ARHGAP5: variants seen among roughly 807,000 people sequenced by gnomAD.
The protein encoded by ARHGAP5 is rho GTPase-activating protein 5.
Under a neutral mutation model 116.6 loss-of-function variants are expected in ARHGAP5, and 23 were observed. The observed-to-expected ratio is 0.20, with a 90% CI of 0.14 to 0.28. The LOEUF (loss-of-function observed/expected upper bound fraction) is 0.28. Among genes scored for constraint, ARHGAP5 ranks in the 10% least tolerant of loss-of-function variants. ARHGAP5 has a pLI of 1.00. For missense variants in ARHGAP5, 1,405 were observed against 1,774.8 expected (o/e 0.79, Z 3.74); for synonymous variants, 574 against 602.0 (o/e 0.95, Z 0.68).
chr14:32,154,599 T>A (rs1346184972), intron 6 of ARHGAP5, 22 bp from the exon 7 acceptor site: 1 of 1,528,342 alleles, frequency 6.5e-7, no homozygotes, highest in Non-Finnish European at 8.9e-7. Context: ...TTTCTAAATG[T>A]TTTTTCCTTT....
chr14:32,133,168 A>C (rs1266279719), intron 3 of ARHGAP5, among the ~76,000 whole-genome samples: 1 of 152,136 alleles, frequency 6.6e-6, no homozygotes, highest in Admixed American at 6.5e-5. Context: ...TCTATAAATT[A>C]CCTTGGGCAA....
At chr14:32,145,037 G>A (rs181412162) in intron 3 of ARHGAP5, among the ~76,000 whole-genome samples, 12 of 152,234 alleles carry the variant, frequency 7.9e-5, no homozygotes, top group Non-Finnish European at 1.2e-4. Flanking sequence ...TTTGGATATC[G>A]TATTCAGAGA....
intron 1 of ARHGAP5, among the ~76,000 whole-genome samples, chr14:32,086,207 C>T (rs1025052037): frequency 6.6e-6 from 1 of 152,134 alleles, no homozygotes; most frequent in Admixed American, 6.6e-5. Flanking sequence ...ATGTTGTCTT[C>T]CTCCAGTGTG....
In ARHGAP5 at chr14:32,092,975, C is replaced by T. The variant is rs1275599319; in HGVS notation, c.2306C>T (p.Ala769Val). 1.9e-6 allele frequency: 3 copies of T among 1,613,882 alleles called. No homozygotes were observed. The highest frequency in any genetic ancestry group is 2.7e-5 in the African/African-American group (2 of 74,870). Residue 769 changes from alanine (A) to valine (V), a missense_variant, in exon 2 of 7, where the codon GCC (alanine) becomes GTC (valine). Ala to Val is a moderately conservative substitution (Grantham distance 64). Coordinates refer to ENST00000345122, the MANE Select transcript of ARHGAP5 (RefSeq NM_001030055.2). This position sits in a 1 kb window ranked among gnomAD's most constrained non-coding sequence, Gnocchi z 4.1. ...TTGGATGTGGTGAGCCCAATTCCTG[C>T]CAATAAGGACTTATCAGAAGCTGAC... ...HNLDVVSPIP[A>V]NKDLSEADLR... is the part of the protein sequence containing the mutation.
At chr14:32,112,297 T>G (rs565861495) in intron 2 of ARHGAP5, among the ~76,000 whole-genome samples, 1 of 152,322 alleles carries the variant, frequency 6.6e-6, no homozygotes, top group South Asian at 2.1e-4. Flanking sequence ...TACTGTAGTA[T>G]TTATTTGAAG....
chr14:32,133,301 C>T (rs1594382631), intron 3 of ARHGAP5, among the ~76,000 whole-genome samples: 2 of 152,192 alleles, frequency 1.3e-5, no homozygotes, highest in South Asian at 2.1e-4. Context: ...AGGTCCTTCA[C>T]ATCCCTTGTA....
chr14:32,129,777 C>T (rs1237214249), intron 3 of ARHGAP5, among the ~76,000 whole-genome samples: 3 of 152,012 alleles, frequency 2.0e-5, no homozygotes, highest in South Asian at 2.1e-4. Context: ...CATACTTCCT[C>T]GAAATTTCCA....
At chr14:32,081,676 C>T (rs549032300) in intron 1 of ARHGAP5, among the ~76,000 whole-genome samples, 3 of 151,408 alleles carry the variant, frequency 2.0e-5, no homozygotes, top group East Asian at 1.9e-4. Context: ...AAACACGTAA[C>T]GTTGGCATAA....
chr14:32,140,097 C>CTTTTTTTTTT (rs1182430088), intron 3 of ARHGAP5, among the ~76,000 whole-genome samples: 1 of 25,386 alleles, frequency 3.9e-5, no homozygotes, highest in Non-Finnish European at 7.3e-5. Flanking sequence ...GTTATTTGTT[C>CTTTTTTTTTT]TTTTTTTTTT....
At position 32,153,628 on chromosome 14, in the gene ARHGAP5, A is replaced by G. The variant is rs144668068; in HGVS notation, c.4182-993A>G. ...GCTGGGATTACAGATGTACACCACC[A>G]CACCCAGCTAAATTTAGTATTTTTA... On this transcript the variant is annotated intron_variant, in intron 6 of 6. Coordinates refer to ENST00000345122, the MANE Select transcript of ARHGAP5 (RefSeq NM_001030055.2). Among the ~76,000 whole-genome samples the G allele has an allele frequency of 2.7e-3, 412 of 150,780 alleles. 4 individuals are homozygous for G. Among genetic ancestry groups the G allele is most frequent in the African/African-American group, 9.5e-3 (391 of 41,204 alleles).
At chr14:32,138,889 T>C (rs945096751) in intron 3 of ARHGAP5, among the ~76,000 whole-genome samples, 11 of 152,162 alleles carry the variant, frequency 7.2e-5, no homozygotes, top group Admixed American at 6.5e-4. Flanking sequence ...TATTCCTAGC[T>C]TAAGTGACTT....
intron 3 of ARHGAP5, among the ~76,000 whole-genome samples, chr14:32,139,354 T>C (rs1444743857): frequency 6.6e-6 from 1 of 152,134 alleles, no homozygotes; most frequent in Admixed American, 6.5e-5. Context: ...CTTTTTTGTT[T>C]TTGTGAGCTT....
intron 3 of ARHGAP5, among the ~76,000 whole-genome samples, chr14:32,143,066 A>T (rs914331142): frequency 6.6e-6 from 1 of 152,100 alleles, no homozygotes; most frequent in Non-Finnish European, 1.5e-5. Context: ...CTGGTTTTTT[A>T]TCTGTTAGCA....
In ARHGAP5 at chr14:32,093,132, C is replaced by T; in HGVS notation, c.2463C>T (p.Ile821=). Residue 821 remains isoleucine (I), a synonymous_variant, in exon 2 of 7, where the codon ATC becomes ATT. Transcript: ENST00000345122. ...ATAATTCCCTAATGCTTGATAAAAT[C>T]ATTGGTGAAAAAAGGAGGCGAATAC... ...GQNNSLMLDK[I]IGEKRRRIQI... 6.2e-7 allele frequency: 1 copy of T among 1,613,682 alleles called. No individual in the cohort carries two copies.
chr14:32,082,775 AG>A (rs1490930316), intron 1 of ARHGAP5, among the ~76,000 whole-genome samples: 2 of 152,190 alleles, frequency 1.3e-5, no homozygotes, highest in African/African-American at 4.8e-5. Context: ...CCTGACCTCA[AG>A]TGATCTGCTG....
chr14:32,106,719 C>T lies in ARHGAP5; in HGVS notation c.3718-10421C>T, dbSNP rs1445254030. ...CCTTTTAACCTTATTCATTCCCACA[C>T]GTACTCTTAAGCTCCAGGTACATCA... On this transcript the variant is annotated intron_variant, in intron 2 of 6. Coordinates refer to ENST00000345122, the MANE Select transcript of ARHGAP5 (RefSeq NM_001030055.2). 3.9e-5 allele frequency among the ~76,000 whole-genome samples: 6 copies of T among 152,146 alleles called. No individual in the cohort carries two copies. The South Asian group carries it at 1.0e-3, about 26-fold the overall frequency.
chr14:32,156,530 C>G lies in ARHGAP5; in HGVS notation c.*1582C>G, dbSNP rs1463778064. The G allele has an allele frequency of 2.6e-5, 4 of 152,144 alleles. No individual in the cohort carries two copies. Among genetic ancestry groups the G allele is most frequent in the Non-Finnish European group, 4.4e-5 (3 of 67,770 alleles). The allele number at this position is 152,144 out of a possible 1,614,324, so 9.4% of individuals were successfully genotyped here. The stretch of plus-strand genomic sequence containing the variant: ...GAAGTACATGTATATTATAAATTAT[C>G]TTATTTGTGTTATACTCTTACATGT... On this transcript the variant is annotated 3_prime_UTR_variant, in exon 7 of 7. Transcript: ENST00000345122.
intron 1 of ARHGAP5, among the ~76,000 whole-genome samples, chr14:32,089,486 C>A (rs1245430465): frequency 1.3e-5 from 2 of 151,832 alleles, no homozygotes; most frequent in African/African-American, 4.8e-5. Flanking sequence ...TGTGAAAAAT[C>A]TCTAAAAACT....
In ARHGAP5 at chr14:32,158,119, A is replaced by AT. The variant is rs1881977926; in HGVS notation, c.*3173dup. 2 of 151,830 alleles carry AT rather than the reference A, an allele frequency of 1.3e-5. No individual in the cohort carries two copies. Among genetic ancestry groups the AT allele is most frequent in the Admixed American group, 6.6e-5 (1 of 15,238 alleles). The allele number at this position is 151,830 out of a possible 1,614,324, so 9.4% of individuals were successfully genotyped here. On this transcript the variant is annotated 3_prime_UTR_variant, in exon 7 of 7. Transcript: ENST00000345122. Reference sequence around the variant, plus strand: ...GTATAAAGAATGCTATGAATAAAACATTAAGAAGCTGTGTAATTTTAAGTT... The same window carrying AT: ...GTATAAAGAATGCTATGAATAAAACATTTAAGAAGCTGTGTAATTTTAAGTT...
Sources: gnomAD v4.1 joint callset for allele counts (sites outside exome capture counted in the v4.1 genomes callset) on GRCh38, gnomAD v4.1.1 for gene constraint, Gnocchi (gnomAD v3.1) non-coding constraint, MANE v1.5 for transcripts, NCBI Gene and HGNC (gene_info 2026-07-23, HGNC 2026-07-21) for gene names.